ZNF518A: variants seen among roughly 807,000 people sequenced by gnomAD.
ZNF518A encodes zinc finger protein 518.
Under a neutral mutation model 102.7 loss-of-function variants are expected in ZNF518A, and 47 were observed. That is an observed-to-expected ratio of 0.46 (90% CI 0.36 to 0.58). The LOEUF (loss-of-function observed/expected upper bound fraction) is 0.58. Ranked by LOEUF, ZNF518A falls within the 20% of genes least tolerant of loss-of-function variation. The pLI, the probability that ZNF518A is intolerant of heterozygous loss-of-function variation, is 0.00. For missense variants in ZNF518A, 1,793 were observed against 1,699.8 expected (o/e 1.05, Z -0.96); for synonymous variants, 652 against 594.6 (o/e 1.10, Z -1.40).
chr10:96,184,331 T>C (rs2083258264), intron 1 of ZNF518A, among the ~76,000 whole-genome samples: 1 of 152,234 alleles, frequency 6.6e-6, no homozygotes, highest in South Asian at 2.1e-4. Flanking sequence ...CATGTGAATT[T>C]GATCCTGTCA....
Position 96,159,581 on chromosome 10 carries a change from G to C in ZNF518A, c.3259G>C (p.Glu1087Gln). Residue 1087 changes from glutamate (E) to glutamine (Q), a missense_variant, in exon 6 of 6, where the codon GAG (glutamate) becomes CAG (glutamine). Glu to Gln is a conservative substitution (Grantham distance 29). This residue lies in a region of ZNF518A where 1,741 missense variants were observed against 1,622.6 expected (regional missense o/e 1.07). Coordinates refer to ENST00000316045, the MANE Select transcript of ZNF518A (RefSeq NM_001330736.2). ...CTCCGATTCAGTAAAACAGCAGAATGAGATTTTTCCAAAACCACCTCTTTA... is the reference window on the plus strand; with the variant it reads ...CTCCGATTCAGTAAAACAGCAGAATCAGATTTTTCCAAAACCACCTCTTTA... ...NISDSVKQQN[E>Q]IFPKPPLYTF... 6.2e-7 allele frequency: 1 copy of C among 1,613,846 alleles called. No individual in the cohort carries two copies. The highest frequency in any genetic ancestry group is 8.5e-7 in the Non-Finnish European group (1 of 1,179,782).
intron 1 of ZNF518A, among the ~76,000 whole-genome samples, chr10:96,177,998 G>T (rs1554891673): frequency 6.6e-6 from 1 of 152,062 alleles, no homozygotes; most frequent in Non-Finnish European, 1.5e-5. Flanking sequence ...GAACTATAGA[G>T]AGAAATTGAC....
chr10:96,172,952 A>T (rs954666887), intron 1 of ZNF518A, among the ~76,000 whole-genome samples: 80 of 152,278 alleles, frequency 5.3e-4, no homozygotes, highest in African/African-American at 1.9e-3. Flanking sequence ...AGATTCAATC[A>T]ATCATGGATC....
In ZNF518A at chr10:96,158,310, C is replaced by G; in HGVS notation, c.1988C>G (p.Pro663Arg). ...RFSGTAVYENPQRESSSSKTV... is the reference protein window; with the variant it reads ...RFSGTAVYENRQRESSSSKTV... ...TCAGGAACAGCAGTGTATGAAAACC[C>G]TCAAAGAGAATCTTCATCCAGCAAA... Residue 663 changes from proline to arginine, a missense_variant, in exon 6 of 6, where the codon CCT becomes CGT. Pro to Arg is a moderately radical substitution (Grantham distance 103). Around this residue, in one of 3 missense-constraint regions of ZNF518A, gnomAD observed 1,741 missense variants for 1,622.6 expected, o/e 1.07. Transcript: ENST00000316045. The G allele has an allele frequency of 1.2e-6, 2 of 1,613,666 alleles. No homozygotes were observed. The highest frequency in any genetic ancestry group is 2.2e-5 in the South Asian group (2 of 91,070).
intron 3 of ZNF518A, among the ~76,000 whole-genome samples, chr10:96,151,949 G>GAT (rs1239250729): frequency 8.5e-5 from 13 of 152,192 alleles, no homozygotes; most frequent in African/African-American, 3.1e-4. Context: ...GACTTATTGA[G>GAT]ATGTTGGTCA....
chr10:96,180,616 T>C (rs1244676208), intron 1 of ZNF518A, among the ~76,000 whole-genome samples: 2 of 152,234 alleles, frequency 1.3e-5, no homozygotes, highest in African/African-American at 4.8e-5. Context: ...GTCCTTGCGA[T>C]AGTTTGCTCA....
At chr10:96,187,997 T>A (rs2083282861) in intron 1 of ZNF518A, among the ~76,000 whole-genome samples, 1 of 152,096 alleles carries the variant, frequency 6.6e-6, no homozygotes, top group African/African-American at 2.4e-5. Context: ...TACAGGCGAG[T>A]GCCACCATGC....
chr10:96,180,793 C>T (rs188211190), intron 1 of ZNF518A, among the ~76,000 whole-genome samples: 50 of 152,184 alleles, frequency 3.3e-4, no homozygotes, highest in Admixed American at 2.3e-3. Flanking sequence ...TGAATAGTGC[C>T]GCAATAAACG....
At chr10:96,176,658 A>G (rs782736098) in intron 1 of ZNF518A, among the ~76,000 whole-genome samples, 64 of 152,180 alleles carry the variant, frequency 4.2e-4, no homozygotes, top group Non-Finnish European at 8.1e-4. Context: ...AACACTGGGA[A>G]GCCAAGGCAG....
Position 96,161,869 on chromosome 10 carries a change from A to G in ZNF518A, c.*1095A>G, listed in dbSNP as rs1182602513. 6.0e-6 allele frequency: 1 copy of G among 167,000 alleles called. No homozygotes were observed. Among genetic ancestry groups the G allele is most frequent in the Non-Finnish European group, 1.5e-5 (1 of 68,028 alleles). The allele number at this position is 167,000 out of a possible 1,614,324, so 10.3% of individuals were successfully genotyped here. ...CAGATTGTTGGCATTTGCAAAAGGAAGCATCAATAGTGGACCCAGAGGCAG... is the reference window on the plus strand; with the variant it reads ...CAGATTGTTGGCATTTGCAAAAGGAGGCATCAATAGTGGACCCAGAGGCAG... On this transcript the variant is annotated 3_prime_UTR_variant, in exon 6 of 6. Transcript: ENST00000316045.
intron 1 of ZNF518A, among the ~76,000 whole-genome samples, chr10:96,186,750 T>A (rs1358225462): frequency 2.6e-5 from 4 of 152,178 alleles, no homozygotes; most frequent in African/African-American, 4.8e-5. Context: ...CAAATAACTT[T>A]CCCAAGTTCA....
chr10:96,140,404 A>G (rs782717687), intron 3 of ZNF518A, among the ~76,000 whole-genome samples: 2 of 152,202 alleles, frequency 1.3e-5, no homozygotes, highest in Non-Finnish European at 2.9e-5. Context: ...AATGGATCAC[A>G]TGATAACATG....
chr10:96,159,318 C>A lies in ZNF518A; in HGVS notation c.2996C>A (p.Pro999Gln), dbSNP rs782160838. Residue 999 changes from proline to glutamine, a missense_variant, in exon 6 of 6, where the codon CCA (proline) becomes CAA (glutamine). Pro to Gln is a moderately conservative substitution (Grantham distance 76). Coordinates refer to ENST00000316045, the MANE Select transcript of ZNF518A (RefSeq NM_001330736.2). ...GVSAVKTEGA[P>Q]ARGTVTKEPC... ...TCCGCTGTCAAAACCGAGGGTGCCC[C>A]AGCTCGTGGAACTGTGACTAAGGAG... is the stretch of plus-strand genomic sequence containing the variant. 6.2e-7 allele frequency: 1 copy of A among 1,613,526 alleles called. No homozygotes were observed. Among genetic ancestry groups the A allele is most frequent in the Non-Finnish European group, 8.5e-7 (1 of 1,179,654 alleles).
intron 3 of ZNF518A, among the ~76,000 whole-genome samples, chr10:96,140,529 A>C (rs2081865495): frequency 6.6e-6 from 1 of 152,226 alleles, no homozygotes; most frequent in Admixed American, 6.5e-5. Context: ...ACAGAAAAAG[A>C]AAAGAGCAAA....
intron 2 of ZNF518A, among the ~76,000 whole-genome samples, chr10:96,133,264 T>C (rs1564737501): frequency 6.6e-6 from 1 of 152,110 alleles, no homozygotes; most frequent in Non-Finnish European, 1.5e-5. Flanking sequence ...GGCCAGAAGA[T>C]TGTGGTTTTG....
intron 1 of ZNF518A, among the ~76,000 whole-genome samples, chr10:96,169,102 C>T (rs190092294): frequency 1.8e-3 from 280 of 152,250 alleles, no homozygotes; most frequent in Non-Finnish European, 3.0e-3. Context: ...AGTCATAGCT[C>T]ACTGCAGCAT....
At chr10:96,173,925 T>C (rs1402102578) in intron 1 of ZNF518A, among the ~76,000 whole-genome samples, 5 of 152,110 alleles carry the variant, frequency 3.3e-5, no homozygotes, top group African/African-American at 1.2e-4. Context: ...CCAACCACAA[T>C]AGAATTAAAT....
In ZNF518A at chr10:96,160,170, A is replaced by G. The variant is rs781884992; in HGVS notation, c.3848A>G (p.Asp1283Gly). The change falls in exon 6 of 6, where the codon GAT becomes GGT. Residue 1283 changes from aspartate to glycine, a missense_variant. Physicochemically the swap from Asp to Gly is moderately conservative, Grantham distance 94 (BLOSUM62 -1). Transcript: ENST00000316045. ...RNRNCKRKCRDSYQEPPRRKA... is the reference protein window; with the variant it reads ...RNRNCKRKCRGSYQEPPRRKA... The stretch of plus-strand genomic sequence containing the variant: ...AGAAACTGTAAACGAAAGTGTAGGG[A>G]TAGTTACCAAGAACCTCCAAGAAGA... 3.1e-6 allele frequency: 5 copies of G among 1,609,896 alleles called. No individual in the cohort carries two copies. Among genetic ancestry groups the G allele is most frequent in the Non-Finnish European group, 4.2e-6 (5 of 1,178,168 alleles).
At chr10:96,166,123 G>T (rs1344472162), downstream of ZNF518A, among the ~76,000 whole-genome samples, 3 of 152,132 alleles carry the variant, frequency 2.0e-5, no homozygotes, top group African/African-American at 7.2e-5. Context: ...GTTAGGCGTG[G>T]GGGGAGGAAG....
Sources: gnomAD v4.1 joint callset for allele counts (sites outside exome capture counted in the v4.1 genomes callset) on GRCh38, gnomAD v4.1.1 for gene constraint, gnomAD v4.1.1 regional missense constraint, MANE v1.5 for transcripts, NCBI Gene and HGNC (gene_info 2026-07-23, HGNC 2026-07-21) for gene names.